PKNOX2: variants seen among roughly 807,000 people sequenced by gnomAD.
PKNOX2 encodes the protein homeobox protein PKNOX2.
Under a neutral mutation model 53.1 loss-of-function variants are expected in PKNOX2, and 14 were observed. That is an observed-to-expected ratio of 0.26 (90% CI 0.17 to 0.41). The LOEUF (loss-of-function observed/expected upper bound fraction) is 0.41, where lower values mean the gene tolerates loss of function less well. PKNOX2 is among the 10% of genes least tolerant of loss of function. PKNOX2 has a pLI of 1.00. For missense variants in PKNOX2, 496 were observed against 602.8 expected, an observed-to-expected ratio of 0.82 and a Z score of 1.85; for synonymous variants, 257 against 242.8, an observed-to-expected ratio of 1.06 and a Z score of -0.54.
At chr11:125,197,240 G>A (rs1307039163) in intron 1 of PKNOX2, among the ~76,000 whole-genome samples, 1 of 152,182 alleles carries the variant, frequency 6.6e-6, no homozygotes, top group Non-Finnish European at 1.5e-5. Flanking sequence ...CATCTGAGAT[G>A]GGAGGGAGCT....
intron 1 of PKNOX2, among the ~76,000 whole-genome samples, chr11:125,189,122 A>G (rs548522887): frequency 6.6e-6 from 1 of 151,818 alleles, no homozygotes; most frequent in Non-Finnish European, 1.5e-5. Context: ...TTTTGTTCTC[A>G]TCTGCTGCGC....
chr11:125,251,695 A>T (rs1474094516), intron 2 of PKNOX2, among the ~76,000 whole-genome samples: 1 of 151,656 alleles, frequency 6.6e-6, no homozygotes, highest in Non-Finnish European at 1.5e-5. Context: ...TTCCCAACCC[A>T]ACCTCTCTTC....
intron 2 of PKNOX2, among the ~76,000 whole-genome samples, chr11:125,328,476 T>C (rs1465238832): frequency 6.6e-6 from 1 of 151,854 alleles, no homozygotes; most frequent in Non-Finnish European, 1.5e-5. Flanking sequence ...TCTTAATATA[T>C]GGGGACTAAA....
At chr11:125,232,031 C>T (rs969881889) in intron 1 of PKNOX2, among the ~76,000 whole-genome samples, 4 of 152,302 alleles carry the variant, frequency 2.6e-5, no homozygotes, top group South Asian at 4.1e-4. Context: ...AAGGAAGACT[C>T]GCTCATTTCT....
intron 2 of PKNOX2, among the ~76,000 whole-genome samples, chr11:125,270,573 CATT>C (rs1303929598): frequency 1.3e-5 from 2 of 152,170 alleles, no homozygotes; most frequent in African/African-American, 4.8e-5. Flanking sequence ...CTCAGGCTCT[CATT>C]AATTCTTTCA....
At chr11:125,223,765 G>A (rs1011541548) in intron 1 of PKNOX2, among the ~76,000 whole-genome samples, 1 of 152,184 alleles carries the variant, frequency 6.6e-6, no homozygotes, top group Non-Finnish European at 1.5e-5. Flanking sequence ...TACTACGTTG[G>A]ATCTATGAAG....
At position 125,240,002 on chromosome 11, in the gene PKNOX2, A is replaced by T. The variant is rs1943021514; in HGVS notation, c.-130+4887A>T. 1 of 152,246 alleles carries T rather than the reference A, an allele frequency of 6.6e-6. No individual in the cohort carries two copies. Among genetic ancestry groups the T allele is most frequent in the Non-Finnish European group, 1.5e-5 (1 of 68,052 alleles). 9.4% of individuals were successfully genotyped at this position (152,246 alleles called of 1,614,324 possible). ...GGTAAAAAATAATGGCTGTTCTGTG[A>T]TTCCTGCCTCCTGAGCTAGGAGATT... is the stretch of plus-strand genomic sequence containing the variant. On this transcript the variant is annotated intron_variant, in intron 2 of 12. Transcript: ENST00000298282. This position sits in a 1 kb window ranked among gnomAD's most constrained non-coding sequence, Gnocchi z 4.3.
intron 2 of PKNOX2, among the ~76,000 whole-genome samples, chr11:125,278,001 G>A (rs1233117789): frequency 6.6e-6 from 1 of 152,032 alleles, no homozygotes; most frequent in Non-Finnish European, 1.5e-5. Context: ...AGGATCTCTT[G>A]AGCTCAGAAA....
chr11:125,229,500 G>A (rs932313486), intron 1 of PKNOX2, among the ~76,000 whole-genome samples: 27 of 152,356 alleles, frequency 1.8e-4, no homozygotes, highest in African/African-American at 6.5e-4. Context: ...GGACAGGCAA[G>A]AGTCAACCTT....
At chr11:125,359,847 G>A (rs2136238745) in intron 4 of PKNOX2, among the ~76,000 whole-genome samples, 1 of 152,334 alleles carries the variant, frequency 6.6e-6, no homozygotes, top group African/African-American at 2.4e-5. Context: ...ATGTCAGGTG[G>A]AGGGCTCAGA....
At chr11:125,231,724 G>A (rs79470139) in intron 1 of PKNOX2, among the ~76,000 whole-genome samples, 1 of 144,870 alleles carries the variant, frequency 6.9e-6, no homozygotes, top group Non-Finnish European at 1.5e-5. Flanking sequence ...TGTGTGGGGG[G>A]TGTGTGTGTG....
At chr11:125,299,210 A>G (rs1271049870) in intron 2 of PKNOX2, among the ~76,000 whole-genome samples, 1 of 152,128 alleles carries the variant, frequency 6.6e-6, no homozygotes, top group Non-Finnish European at 1.5e-5. Flanking sequence ...ACTCATTCCC[A>G]TGGGGAGAGC....
chr11:125,232,149 C>T (rs971799723), intron 1 of PKNOX2, among the ~76,000 whole-genome samples: 2 of 152,190 alleles, frequency 1.3e-5, no homozygotes, highest in East Asian at 1.9e-4. Context: ...ACACAGTCCC[C>T]GTCTCACATA....
intron 2 of PKNOX2, among the ~76,000 whole-genome samples, chr11:125,327,573 T>C (rs979004480): frequency 2.0e-5 from 3 of 152,176 alleles, no homozygotes; most frequent in African/African-American, 7.2e-5. Context: ...TGGGTCCCTC[T>C]GCCTGCAATC....
At chr11:125,354,427 A>C (rs77388968) in intron 4 of PKNOX2, among the ~76,000 whole-genome samples, 3,963 of 152,242 alleles carry the variant, frequency 0.026, 184 homozygotes, top group African/African-American at 0.09. Context: ...ACACCTCTCC[A>C]TCACCTCTTC....
At chr11:125,316,617 A>G (rs1355279617) in intron 2 of PKNOX2, among the ~76,000 whole-genome samples, 1 of 152,242 alleles carries the variant, frequency 6.6e-6, no homozygotes, top group Admixed American at 6.5e-5. Context: ...TGTTTACACT[A>G]TACTGTAGTC....
At chr11:125,304,612 G>A (rs1948305339) in intron 2 of PKNOX2, among the ~76,000 whole-genome samples, 1 of 152,146 alleles carries the variant, frequency 6.6e-6, no homozygotes, top group Non-Finnish European at 1.5e-5. Flanking sequence ...TGCATTAAAC[G>A]TCCCCTAAAT....
At chr11:125,416,295 G>A (rs1161903980) in intron 10 of PKNOX2, among the ~76,000 whole-genome samples, 5 of 94,798 alleles carry the variant, frequency 5.3e-5, no homozygotes, top group Non-Finnish European at 7.4e-5. Context: ...AGAGCGAGAC[G>A]CCGTCTCAAA....
At chr11:125,234,115 G>A (rs1310550076) in intron 1 of PKNOX2, among the ~76,000 whole-genome samples, 2 of 152,098 alleles carry the variant, frequency 1.3e-5, no homozygotes, top group Non-Finnish European at 2.9e-5. Context: ...GCCAATTCTT[G>A]TCTGTCCAGT....
Sources: gnomAD v4.1 joint callset for allele counts (sites outside exome capture counted in the v4.1 genomes callset) on GRCh38, gnomAD v4.1.1 for gene constraint, Gnocchi (gnomAD v3.1) non-coding constraint, MANE v1.5 for transcripts, NCBI Gene and HGNC (gene_info 2026-07-23, HGNC 2026-07-21) for gene names.